The following EYA1 variants were observed in gnomAD, a reference collection of about 807,000 sequenced individuals.
EYA1 encodes the protein protein phosphatase EYA1.
In EYA1, 16 loss-of-function variants were observed where a neutral mutation model predicts 82.0. The ratio of observed to expected loss-of-function variants is 0.20; its 90% CI spans 0.13 to 0.30. The LOEUF is 0.30. Ranked by LOEUF, EYA1 falls within the 10% of genes least tolerant of loss-of-function variation. EYA1 has a pLI of 1.00. For missense variants in EYA1, 633 were observed against 730.7 expected (o/e 0.87, Z 1.54); for synonymous variants, 261 against 264.4 (o/e 0.99, Z 0.12).
intron 16 of EYA1, among the ~76,000 whole-genome samples, chr8:71,212,060 G>A (rs1437343573): frequency 6.6e-6 from 1 of 152,114 alleles, no homozygotes; most frequent in African/African-American, 2.4e-5. Context: ...TGCAAGCATT[G>A]TTTCTTCTCA....
intron 2 of EYA1, among the ~76,000 whole-genome samples, chr8:71,392,850 C>A (rs956501286): frequency 3.3e-5 from 5 of 151,968 alleles, no homozygotes; most frequent in Non-Finnish European, 5.9e-5. Context: ...TCATTTTTTA[C>A]AATAAACAAT....
At chr8:71,540,542 C>T (rs1477126569) in intron 1 of EYA1, among the ~76,000 whole-genome samples, 4 of 152,068 alleles carry the variant, frequency 2.6e-5, no homozygotes, top group Non-Finnish European at 5.9e-5. Flanking sequence ...GGACAGACTT[C>T]CCAGGTTGAA....
intron 2 of EYA1, among the ~76,000 whole-genome samples, chr8:71,520,044 G>A (rs1247137773): frequency 6.6e-6 from 1 of 152,140 alleles, no homozygotes; most frequent in Admixed American, 6.6e-5. Context: ...TTAATAAAGG[G>A]CATGAAAGCA....
At chr8:71,460,229 A>G (rs1053073012) in intron 2 of EYA1, among the ~76,000 whole-genome samples, 6 of 152,182 alleles carry the variant, frequency 3.9e-5, no homozygotes, top group Non-Finnish European at 8.8e-5. Flanking sequence ...ACCAAATGTG[A>G]TTCTCAGCAC....
At chr8:71,540,389 T>C (rs1470284037) in intron 1 of EYA1, among the ~76,000 whole-genome samples, 1 of 152,172 alleles carries the variant, frequency 6.6e-6, no homozygotes, top group African/African-American at 2.4e-5. Flanking sequence ...GTAAACCTTA[T>C]CTTATTATTA....
At chr8:71,291,130 T>C (rs1243832211) in intron 9 of EYA1, among the ~76,000 whole-genome samples, 2 of 152,188 alleles carry the variant, frequency 1.3e-5, no homozygotes, top group Non-Finnish European at 2.9e-5. Flanking sequence ...CAGGATCATT[T>C]CCACAATGAA....
intron 2 of EYA1, among the ~76,000 whole-genome samples, chr8:71,371,359 A>G (rs1828070798): frequency 6.6e-6 from 1 of 152,182 alleles, no homozygotes; most frequent in Non-Finnish European, 1.5e-5. Flanking sequence ...TAGGGTTCCC[A>G]GAACACTGTT....
At chr8:71,388,433 G>A (rs1257573611) in intron 2 of EYA1, among the ~76,000 whole-genome samples, 1 of 152,194 alleles carries the variant, frequency 6.6e-6, no homozygotes, top group Admixed American at 6.5e-5. Flanking sequence ...CCTAAACAGT[G>A]AGGGTGACCA....
chr8:71,451,535 A>G (rs1400210349), intron 2 of EYA1, among the ~76,000 whole-genome samples: 6 of 152,182 alleles, frequency 3.9e-5, no homozygotes, highest in Non-Finnish European at 8.8e-5. Context: ...TTATAGGTTT[A>G]TGGGGAATTA....
intron 11 of EYA1, among the ~76,000 whole-genome samples, chr8:71,247,289 T>C (rs1033560294): frequency 7.2e-5 from 11 of 152,128 alleles, no homozygotes; most frequent in Admixed American, 7.2e-4. Context: ...ACGTGAAATA[T>C]GGCAGGATGG....
chr8:71,250,255 A>G (rs1424488685), intron 11 of EYA1, among the ~76,000 whole-genome samples: 1 of 152,202 alleles, frequency 6.6e-6, no homozygotes, highest in East Asian at 1.9e-4. Flanking sequence ...TGTTGTCTTG[A>G]TCATGAAATC....
intron 7 of EYA1, among the ~76,000 whole-genome samples, chr8:71,301,634 A>G (rs1586257307): frequency 1.3e-5 from 2 of 152,158 alleles, no homozygotes; most frequent in South Asian, 2.1e-4. Context: ...CAGAGACTCT[A>G]TTTGAGGTTT....
chr8:71,546,819 T>C (rs1586925735), intron 1 of EYA1, among the ~76,000 whole-genome samples: 1 of 152,288 alleles, frequency 6.6e-6, no homozygotes, highest in East Asian at 1.9e-4. Context: ...CTTTTGAATA[T>C]ATAATCAATT....
rs544659170 is a variant in EYA1, at chr8:71,201,165, T to C, written c.1699-1745A>G. On this transcript the variant is annotated intron_variant, in intron 17 of 17. Transcript: ENST00000340726. ...AATAGTTATGATTTATTGGATATTGTGTTAGGCACTATGCTAAGCACCTCA... is the reference window on the plus strand; with the variant it reads ...AATAGTTATGATTTATTGGATATTGCGTTAGGCACTATGCTAAGCACCTCA... Among the ~76,000 whole-genome samples the C allele has an allele frequency of 1.1e-4, 17 of 150,810 alleles. No homozygotes were observed. The East Asian group carries it at 2.9e-3, about 26-fold the overall frequency.
intron 2 of EYA1, among the ~76,000 whole-genome samples, chr8:71,402,799 TC>T (rs1830026798): frequency 6.6e-6 from 1 of 152,084 alleles, no homozygotes; most frequent in African/African-American, 2.4e-5. Flanking sequence ...CAAAAATAAA[TC>T]TAAATATATA....
Position 71,317,674 on chromosome 8 carries a change from C to T in EYA1, c.434G>A (p.Gly145Asp), listed in dbSNP as rs1182285380. 1.2e-6 allele frequency: 2 copies of T among 1,614,058 alleles called. No individual in the cohort carries two copies. Among genetic ancestry groups the T allele is most frequent in the Non-Finnish European group, 8.5e-7 (1 of 1,179,950 alleles). Residue 145 changes from glycine to aspartate, a missense_variant, in exon 7 of 18, where the codon GGC becomes GAC. Transcript: ENST00000340726. ...GISSYGALWAGIKTEGGLSQS... is the reference protein window; with the variant it reads ...GISSYGALWADIKTEGGLSQS... ...TGACAATCCACCTTCAGTCTTGATG[C>T]CTGCCCACAATGCACCTAAATCAGT...
chr8:71,203,522 G>A (rs1018136910), intron 17 of EYA1, among the ~76,000 whole-genome samples: 2 of 152,284 alleles, frequency 1.3e-5, no homozygotes, highest in South Asian at 2.1e-4. Flanking sequence ...AGAGGTGGAA[G>A]GGAAGTGGAT....
chr8:71,537,084 G>A (rs1437537277), intron 1 of EYA1, among the ~76,000 whole-genome samples: 1 of 152,140 alleles, frequency 6.6e-6, no homozygotes, highest in Non-Finnish European at 1.5e-5. Flanking sequence ...TGAAGTCTTA[G>A]GAGAATTGTC....
intron 9 of EYA1, among the ~76,000 whole-genome samples, chr8:71,277,327 CT>C (rs770326920): frequency 1.5e-4 from 22 of 151,564 alleles, no homozygotes; most frequent in Admixed American, 4.0e-4. Flanking sequence ...TTTAAAAAAT[CT>C]TTTGTAGAGA....
Sources: allele counts gnomAD v4.1 joint callset (sites outside exome capture counted in the v4.1 genomes callset), GRCh38; gene constraint gnomAD v4.1.1; transcripts MANE v1.5; gene names NCBI Gene and HGNC (gene_info 2026-07-23, HGNC 2026-07-21).